HNRNPU: variants seen among roughly 807,000 people sequenced by gnomAD.
The protein encoded by HNRNPU is heterogeneous nuclear ribonucleoprotein U.
Under a neutral mutation model 94.7 loss-of-function variants are expected in HNRNPU, and 5 were observed. The observed-to-expected ratio is 0.05, with a 90% confidence interval of 0.03 to 0.11. The LOEUF is 0.11. HNRNPU is among the 10% of genes least tolerant of loss of function. The probability of loss-of-function intolerance (pLI) is 1.00; values close to 1 mark genes in which losing one functional copy is unlikely to be tolerated. For missense variants in HNRNPU, 710 were observed against 1,049.2 expected (o/e 0.68, Z 4.47); for synonymous variants, 434 against 381.6 (o/e 1.14, Z -1.60).
intron 8 of HNRNPU, 128 bp from the exon 9 acceptor site, chr1:244,856,984 T>C (rs1680698472): frequency 1.3e-6 from 1 of 750,202 alleles, no homozygotes; most frequent in Non-Finnish European, 2.2e-6. Flanking sequence ...CTTTGTCCAT[T>C]ATTGCTACAA....
In HNRNPU at chr1:244,858,750, AT is replaced by A; in HGVS notation, c.1208del (p.Asn403MetfsTer3). On this transcript the variant is annotated frameshift_variant, in exon 6 of 14. Transcript: ENST00000640218. LOFTEE classifies it high-confidence loss of function. ...TEDYGEKFDE[N>X]DVITCFANFE... The stretch of plus-strand genomic sequence containing the variant: ...TTACAGCAAAACATGTAATCACATC[AT>A]TTTCATCAAACTTTTCTCCATAATC... 1 of 1,583,542 alleles carries A rather than the reference AT, an allele frequency of 6.3e-7. No homozygotes were observed. Among genetic ancestry groups the A allele is most frequent in the South Asian group, 1.1e-5 (1 of 90,030 alleles).
At chr1:244,855,309 T>C (rs768997352) in intron 12 of HNRNPU, 115 bp downstream of exon 12, 340 of 1,039,384 alleles carry the variant, frequency 3.3e-4, no homozygotes, top group Middle Eastern at 6.4e-4. Context: ...ATTTTCCTTA[T>C]GTCAATGCCT....
In HNRNPU at chr1:244,854,209, A is replaced by C; in HGVS notation, c.*241T>G. On this transcript the variant is annotated 3_prime_UTR_variant, in exon 14 of 14. Transcript: ENST00000640218. ...TTTACAGATAAAATGTAGAACCCTG[A>C]AATACTGACACATTCTCTTATCGTG... 2.4e-6 allele frequency: 1 copy of C among 420,756 alleles called. No homozygotes were observed. The highest frequency in any genetic ancestry group is 4.2e-6 in the Non-Finnish European group (1 of 236,660). The allele number at this position is 420,756 out of a possible 1,614,324, so 26.1% of individuals were successfully genotyped here. A position where few individuals can be genotyped will look rare whatever the true frequency, so the allele number is the denominator to read the frequency against.
At chr1:244,856,698 A>G in intron 9 of HNRNPU, 30 bp downstream of exon 9, 1 of 1,605,770 alleles carries the variant, frequency 6.2e-7, no homozygotes, top group Non-Finnish European at 8.5e-7. Flanking sequence ...TTATCAGTTA[A>G]TATTTTTCAA....
chr1:244,864,421 G>A lies in HNRNPU; in HGVS notation c.-114C>T. The A allele has an allele frequency of 6.5e-7, 1 of 1,538,928 alleles. No individual in the cohort carries two copies. The highest frequency in any genetic ancestry group is 2.2e-5 in the Admixed American group (1 of 45,630). ...GGCCCGGGCGGCGGCTGCGGCTGCG[G>A]CTGGAGATGGGTTCGTGCTGCAGAG... On this transcript the variant is annotated 5_prime_UTR_variant, in exon 1 of 14. Coordinates refer to ENST00000640218, the MANE Select transcript of HNRNPU (RefSeq NM_031844.3).
rs1680568858 is a variant in HNRNPU, at chr1:244,852,346, G to C, written c.*2104C>G. On this transcript the variant is annotated 3_prime_UTR_variant, in exon 14 of 14. Transcript: ENST00000640218. ...TTCTCTGGGCTAAACAGGCATGATAGTCTACCTAGTGTTACTTGACCATTA... is the reference window on the plus strand; with the variant it reads ...TTCTCTGGGCTAAACAGGCATGATACTCTACCTAGTGTTACTTGACCATTA... 6.6e-6 allele frequency: 1 copy of C among 152,120 alleles called. No homozygotes were observed. Among genetic ancestry groups the C allele is most frequent in the South Asian group, 2.1e-4 (1 of 4,830 alleles). The allele number at this position is 152,120 out of a possible 1,614,324, so 9.4% of individuals were successfully genotyped here. A position where few individuals can be genotyped will look rare whatever the true frequency, so the allele number is the denominator to read the frequency against.
At chr1:244,860,504 T>C (rs770721742) in intron 3 of HNRNPU, 30 bp from the exon 4 acceptor site, 9 of 1,562,918 alleles carry the variant, frequency 5.8e-6, no homozygotes, top group Admixed American at 5.1e-5. Context: ...TGTGTTACTT[T>C]TGACATCCAA....
intron 6 of HNRNPU, chr1:244,858,516 G>A (rs1010192364): frequency 3.3e-6 from 2 of 605,948 alleles, no homozygotes; most frequent in South Asian, 2.1e-5. Flanking sequence ...TCAATTTCAT[G>A]TTCACTGTTT....
At chr1:244,860,105 G>A in intron 4 of HNRNPU, 1 of 415,596 alleles carries the variant, frequency 2.4e-6, no homozygotes, top group Non-Finnish European at 4.2e-6. Context: ...TTGGCGACCA[G>A]CCTGGCCTAC....
chr1:244,862,394 C>CCAA, intron 3 of HNRNPU, 67 bp downstream of exon 3: 1 of 651,102 alleles, frequency 1.5e-6, no homozygotes, highest in Non-Finnish European at 2.3e-6. Context: ...ATTAAGACTT[C>CCAA]TAAAAAAAAA....
At chr1:244,863,461 G>C (rs1317576243) in intron 1 of HNRNPU, among the ~76,000 whole-genome samples, 156 bp downstream of exon 1, 1 of 148,578 alleles carries the variant, frequency 6.7e-6, no homozygotes, top group Non-Finnish European at 1.5e-5. Context: ...GAGGCCTCTC[G>C]GCTAATCTGG....
intron 11 of HNRNPU, 65 bp downstream of exon 11, chr1:244,855,839 C>A: frequency 1.3e-6 from 2 of 1,565,916 alleles, no homozygotes; most frequent in South Asian, 1.2e-5. Flanking sequence ...CAGCTACATC[C>A]AAACTATAAA....
chr1:244,860,243 G>T, intron 4 of HNRNPU, 92 bp downstream of exon 4: 1 of 1,101,360 alleles, frequency 9.1e-7, no homozygotes, highest in Non-Finnish European at 1.3e-6. Flanking sequence ...GGAGGTTGCA[G>T]TGAGCCTAGG....
chr1:244,852,195 T>C lies in HNRNPU; in HGVS notation c.*2255A>G, dbSNP rs1259084423. The C allele has an allele frequency of 6.6e-6, 1 of 152,216 alleles. No individual in the cohort carries two copies. The highest frequency in any genetic ancestry group is 6.5e-5 in the Admixed American group (1 of 15,284). The allele number at this position is 152,216 out of a possible 1,614,324, so 9.4% of individuals were successfully genotyped here. A position where few individuals can be genotyped will look rare whatever the true frequency, so the allele number is the denominator to read the frequency against. ...TATTTGGTACATTCCCTTCTCTGAA[T>C]TCCTTAAACACTTTATAAGGTTATT... On this transcript the variant is annotated 3_prime_UTR_variant, in exon 14 of 14. Transcript: ENST00000640218.
At chr1:244,859,187 A>G (rs1680761282) in intron 5 of HNRNPU, 88 bp downstream of exon 5, 1 of 705,506 alleles carries the variant, frequency 1.4e-6, no homozygotes, top group Admixed American at 2.3e-5. Flanking sequence ...AACAGACAAA[A>G]GGCTTAGAAT....
rs1434279234 is a variant in HNRNPU at position 244,853,806 on chromosome 1, C to G, written c.*644G>C. 6.5e-6 allele frequency: 1 copy of G among 152,692 alleles called. No homozygotes were observed. Among genetic ancestry groups the G allele is most frequent in the Non-Finnish European group, 1.5e-5 (1 of 67,992 alleles). The allele number at this position is 152,692 out of a possible 1,614,324, so 9.5% of individuals were successfully genotyped here. A position where few individuals can be genotyped will look rare whatever the true frequency, so the allele number is the denominator to read the frequency against. The stretch of plus-strand genomic sequence containing the variant: ...AACCAAGTTTTACATTTTTAACAGC[C>G]CTTCTACATACACTCCATCTTCTCT... On this transcript the variant is annotated 3_prime_UTR_variant, in exon 14 of 14. Coordinates refer to ENST00000640218, the MANE Select transcript of HNRNPU (RefSeq NM_031844.3).
rs1352319161 is a variant in HNRNPU, at chr1:244,851,728, A to T, written c.*2722T>A. 6.6e-6 allele frequency: 1 copy of T among 152,080 alleles called. No homozygotes were observed. Among genetic ancestry groups the T allele is most frequent in the East Asian group, 1.9e-4 (1 of 5,196 alleles). The allele number at this position is 152,080 out of a possible 1,614,324, so 9.4% of individuals were successfully genotyped here. On this transcript the variant is annotated 3_prime_UTR_variant, in exon 14 of 14. Coordinates refer to ENST00000640218, the MANE Select transcript of HNRNPU (RefSeq NM_031844.3). ...CAAATTGATTTGACTCAATTTCATG[A>T]TTTCATCTCGCTCAAGGCCATCAAC...
Position 244,858,058 on chromosome 1 carries a change from C to A in HNRNPU, c.1447G>T (p.Asp483Tyr). The A allele has an allele frequency of 6.2e-7, 1 of 1,613,768 alleles. No homozygotes were observed. The highest frequency in any genetic ancestry group is 1.3e-5 in the African/African-American group (1 of 74,958). The change falls in exon 7 of 14, where the codon GAT becomes TAT. Residue 483 changes from aspartate to tyrosine, a missense_variant. This residue lies in a region of HNRNPU where 150 missense variants were observed against 187.9 expected (regional missense o/e 0.80). Coordinates refer to ENST00000640218, the MANE Select transcript of HNRNPU (RefSeq NM_031844.3). ...YTFIQNVPLE[D>Y]RVRGPKGPEE... ...GGCCCCTTTGGTCCTCTAACTCGAT[C>A]CTCTAAGGGGACGTTCTGGATGAAA...
chr1:244,857,867 CA>C (rs1369862989), intron 7 of HNRNPU, 143 bp downstream of exon 7: 1 of 1,302,568 alleles, frequency 7.7e-7, no homozygotes, highest in East Asian at 2.3e-5. Flanking sequence ...TAACAGTCAA[CA>C]TAAGGGGGAA....
Sources: allele counts gnomAD v4.1 joint callset (sites outside exome capture counted in the v4.1 genomes callset), GRCh38; gene constraint gnomAD v4.1.1; regional missense constraint gnomAD v4.1.1; transcripts MANE v1.5; gene names NCBI Gene and HGNC (gene_info 2026-07-23, HGNC 2026-07-21).